Variants in EPHA5 observed in about 807,000 individuals in gnomAD.
The protein encoded by EPHA5 is EPH receptor A5.
In EPHA5, 60 loss-of-function variants were observed where a neutral mutation model predicts 105.0. That is an observed-to-expected ratio of 0.57 (90% CI 0.46 to 0.71). EPHA5 has a LOEUF of 0.71. Ranked by LOEUF, EPHA5 falls within the 30% of genes least tolerant of loss-of-function variation. The probability of loss-of-function intolerance (pLI) is 0.00; values close to 1 mark genes in which losing one functional copy is unlikely to be tolerated. For missense variants in EPHA5, 1,218 were observed against 1,274.7 expected, an observed-to-expected ratio of 0.96 and a Z score of 0.68; for synonymous variants, 513 against 449.1, an observed-to-expected ratio of 1.14 and a Z score of -1.80.
intron 6 of EPHA5, among the ~76,000 whole-genome samples, chr4:65,417,093 C>A (rs1461242510): frequency 6.6e-6 from 1 of 152,206 alleles, no homozygotes; most frequent in Non-Finnish European, 1.5e-5. Context: ...AGCCAGCTGG[C>A]AAACACCCTG....
intron 3 of EPHA5, among the ~76,000 whole-genome samples, chr4:65,526,215 G>A (rs1041581030): frequency 1.3e-5 from 2 of 151,832 alleles, no homozygotes; most frequent in Admixed American, 6.6e-5. Flanking sequence ...TAAAGGGAAA[G>A]GACTATAATT....
intron 1 of EPHA5, among the ~76,000 whole-genome samples, chr4:65,656,944 CGT>C (rs145415177): frequency 7.5e-6 from 1 of 132,794 alleles, no homozygotes; most frequent in Admixed American, 8.4e-5. Flanking sequence ...TAAATGAAAA[CGT>C]GTGTGTGTTT....
intron 3 of EPHA5, among the ~76,000 whole-genome samples, chr4:65,580,491 C>T (rs1035659367): frequency 4.0e-5 from 6 of 151,734 alleles, no homozygotes; most frequent in Non-Finnish European, 8.8e-5. Flanking sequence ...GTCCAGAAAA[C>T]CCATTTTGAA....
intron 8 of EPHA5, among the ~76,000 whole-genome samples, chr4:65,387,786 T>C (rs1720255872): frequency 6.6e-6 from 1 of 151,888 alleles, no homozygotes; most frequent in Admixed American, 6.6e-5. Context: ...TACATATTTG[T>C]CCATCTAAAT....
At chr4:65,659,157 A>G (rs543433294) in intron 1 of EPHA5, among the ~76,000 whole-genome samples, 4 of 151,974 alleles carry the variant, frequency 2.6e-5, no homozygotes, top group Admixed American at 2.6e-4. Context: ...AACTATTTTA[A>G]AAACTCTCCT....
At chr4:65,357,659 A>G (rs948504638) in intron 11 of EPHA5, among the ~76,000 whole-genome samples, 3 of 151,456 alleles carry the variant, frequency 2.0e-5, no homozygotes, top group Non-Finnish European at 4.4e-5. Context: ...GGTAGTTTCC[A>G]GGAGCTGTGG....
At chr4:65,621,075 G>A (rs1441827466) in intron 2 of EPHA5, among the ~76,000 whole-genome samples, 2 of 152,082 alleles carry the variant, frequency 1.3e-5, no homozygotes, top group Admixed American at 6.5e-5. Flanking sequence ...AATAAATTGA[G>A]TAATTGCTAA....
intron 5 of EPHA5, among the ~76,000 whole-genome samples, chr4:65,486,378 A>C (rs1213195308): frequency 6.6e-6 from 1 of 151,632 alleles, no homozygotes; most frequent in Non-Finnish European, 1.5e-5. Flanking sequence ...CGTGTTACTG[A>C]ATTTATTATG....
intron 3 of EPHA5, among the ~76,000 whole-genome samples, chr4:65,584,522 T>C (rs796448632): frequency 9.9e-5 from 15 of 151,894 alleles, no homozygotes; most frequent in African/African-American, 3.4e-4. Flanking sequence ...CCTAAACATA[T>C]CAACTTTTCC....
At chr4:65,459,452 T>C (rs928468032) in intron 5 of EPHA5, among the ~76,000 whole-genome samples, 30 of 151,880 alleles carry the variant, frequency 2.0e-4, no homozygotes, top group African/African-American at 7.0e-4. Flanking sequence ...TATCTTAGTA[T>C]ATATATAAAT....
At chr4:65,666,183 C>T (rs1749949927) in intron 1 of EPHA5, among the ~76,000 whole-genome samples, 1 of 152,032 alleles carries the variant, frequency 6.6e-6, no homozygotes. Context: ...TTCTTCCCAC[C>T]TTATGTGTTT....
intron 7 of EPHA5, among the ~76,000 whole-genome samples, chr4:65,410,452 A>G (rs1282224545): frequency 3.3e-5 from 5 of 152,194 alleles, no homozygotes; most frequent in Non-Finnish European, 1.5e-5. Flanking sequence ...TGCTTATTAA[A>G]AAGCAACACA....
intron 3 of EPHA5, among the ~76,000 whole-genome samples, chr4:65,585,608 C>G (rs1352038446): frequency 1.3e-5 from 2 of 151,318 alleles, no homozygotes; most frequent in African/African-American, 4.8e-5. Context: ...AAGAACAAAG[C>G]AAGAACACTT....
rs2149226560 is a variant in EPHA5 at position 65,495,516 on chromosome 4, G to C, written c.938C>G (p.Ser313Ter). 6.2e-7 allele frequency: 1 copy of C among 1,613,726 alleles called. No individual in the cohort carries two copies. Among genetic ancestry groups the C allele is most frequent in the Non-Finnish European group, 8.5e-7 (1 of 1,179,758 alleles). The part of the protein sequence containing the change: ...QVCRPGFFKA[S>*]PHIQSCGKCP... ...TTTGCCGCAGCTCTGGATGTGAGGT[G>C]AGGCTTTGAAGAACCCAGGTCTGCA... Residue 313 changes from serine (S) to a stop codon, truncating the protein, a stop_gained, in exon 4 of 17, where the codon TCA (serine) becomes TGA (stop). Coordinates refer to ENST00000613740, the MANE Select transcript of EPHA5 (RefSeq NM_001281766.3). LOFTEE classifies it high-confidence loss of function.
At chr4:65,397,561 C>T (rs1213723019) in intron 8 of EPHA5, among the ~76,000 whole-genome samples, 1 of 152,110 alleles carries the variant, frequency 6.6e-6, no homozygotes, top group East Asian at 1.9e-4. Flanking sequence ...GATGAAACAG[C>T]TCTAGTCACA....
At chr4:65,412,634 TAA>T (rs559781619) in intron 7 of EPHA5, among the ~76,000 whole-genome samples, 1 of 152,082 alleles carries the variant, frequency 6.6e-6, no homozygotes, top group Non-Finnish European at 1.5e-5. Flanking sequence ...ACTTCAGTAA[TAA>T]AAAAACAGTG....
At chr4:65,629,220 A>C (rs1560793789) in intron 2 of EPHA5, among the ~76,000 whole-genome samples, 1 of 152,220 alleles carries the variant, frequency 6.6e-6, no homozygotes, top group Non-Finnish European at 1.5e-5. Flanking sequence ...TCTAAGCTAG[A>C]GCCAATGTTA....
chr4:65,600,063 T>C (rs933239932), intron 3 of EPHA5, among the ~76,000 whole-genome samples: 9 of 152,172 alleles, frequency 5.9e-5, no homozygotes, highest in African/African-American at 2.2e-4. Context: ...GTACGTTGTT[T>C]TATAATACTA....
At chr4:65,581,775 T>A (rs1044402372) in intron 3 of EPHA5, among the ~76,000 whole-genome samples, 1 of 151,696 alleles carries the variant, frequency 6.6e-6, no homozygotes, top group Non-Finnish European at 1.5e-5. Context: ...TAGTACCAAT[T>A]TAATGGAAGG....
Sources: allele counts gnomAD v4.1 joint callset (sites outside exome capture counted in the v4.1 genomes callset), GRCh38; gene constraint gnomAD v4.1.1; transcripts MANE v1.5; gene names NCBI Gene and HGNC (gene_info 2026-07-23, HGNC 2026-07-21).